HS6ST3: variants seen among roughly 807,000 people sequenced by gnomAD.
HS6ST3 encodes heparan sulfate 6-O-sulfotransferase 3, also known as heparan-sulfate 6-O-sulfotransferase 3.
In HS6ST3, 12 loss-of-function variants were observed where a neutral mutation model predicts 36.7. That is an observed-to-expected ratio of 0.33 (90% CI 0.21 to 0.53). HS6ST3 has a LOEUF of 0.53. Ranked by LOEUF, HS6ST3 falls within the 20% of genes least tolerant of loss-of-function variation. The pLI is 0.95. For synonymous variants in HS6ST3, 240 were observed against 257.5 expected, an observed-to-expected ratio of 0.93 and a Z score of 0.65; for missense variants, 584 against 640.9, an observed-to-expected ratio of 0.91 and a Z score of 0.96.
chr13:96,204,870 A>C (rs1236755220), intron 1 of HS6ST3, among the ~76,000 whole-genome samples: 1 of 152,186 alleles, frequency 6.6e-6, no homozygotes, highest in African/African-American at 2.4e-5. Context: ...TATAGCATTG[A>C]ATGCCCACAT....
intron 1 of HS6ST3, among the ~76,000 whole-genome samples, chr13:96,577,852 A>G (rs2056327580): frequency 6.6e-6 from 1 of 152,218 alleles, no homozygotes; most frequent in South Asian, 2.1e-4. Context: ...CAGATGCTGG[A>G]GAGGATGTGG....
At chr13:96,795,093 C>A (rs1877877316) in intron 1 of HS6ST3, among the ~76,000 whole-genome samples, 1 of 151,964 alleles carries the variant, frequency 6.6e-6, no homozygotes, top group Non-Finnish European at 1.5e-5. Flanking sequence ...AGCTCACTGC[C>A]TAAAAAATTT....
chr13:96,408,398 G>A (rs1317978574), intron 1 of HS6ST3, among the ~76,000 whole-genome samples: 1 of 152,128 alleles, frequency 6.6e-6, no homozygotes, highest in Non-Finnish European at 1.5e-5. Flanking sequence ...GGAGCACATT[G>A]CACAGATATG....
chr13:96,600,740 T>C (rs2056418425), intron 1 of HS6ST3, among the ~76,000 whole-genome samples: 1 of 152,072 alleles, frequency 6.6e-6, no homozygotes, highest in African/African-American at 2.4e-5. Flanking sequence ...GTTTTTTTCA[T>C]TGTGTTACTG....
intron 1 of HS6ST3, among the ~76,000 whole-genome samples, chr13:96,465,808 T>C (rs772212787): frequency 2.0e-5 from 3 of 152,110 alleles, no homozygotes; most frequent in Non-Finnish European, 2.9e-5. Context: ...AATTTAAAAA[T>C]GAAGCAATAA....
At chr13:96,237,756 C>T (rs534713072) in intron 1 of HS6ST3, among the ~76,000 whole-genome samples, 1 of 152,260 alleles carries the variant, frequency 6.6e-6, no homozygotes, top group South Asian at 2.1e-4. Flanking sequence ...ACATCTTTGT[C>T]CTTATTGGTC....
chr13:96,472,102 A>G (rs1018115968), intron 1 of HS6ST3, among the ~76,000 whole-genome samples: 1 of 152,236 alleles, frequency 6.6e-6, no homozygotes, highest in African/African-American at 2.4e-5. Flanking sequence ...GGCCAGGGAC[A>G]GGGCCAAGCT....
At position 96,768,379 on chromosome 13, in the gene HS6ST3, C is replaced by A. The variant is rs183910408; in HGVS notation, c.708-64111C>A. Among the ~76,000 whole-genome samples the A allele has an allele frequency of 2.3e-3, 354 of 152,316 alleles. 2 individuals carry two copies. The highest frequency in any genetic ancestry group is 7.7e-3 in the African/African-American group (320 of 41,560). On this transcript the variant is annotated intron_variant, in intron 1 of 1. Coordinates refer to ENST00000376705, the MANE Select transcript of HS6ST3 (RefSeq NM_153456.4). ...GTAATTGCCGACAGTGATTTGGGGC[C>A]TGCATTTTGCAGGCAGTACATTTAA...
At position 96,833,032 on chromosome 13, in the gene HS6ST3, A is replaced by T. The variant is rs758970533; in HGVS notation, c.1250A>T (p.Gln417Leu). 10 of 1,613,860 alleles carry T rather than the reference A, an allele frequency of 6.2e-6. No individual in the cohort carries two copies. In the East Asian group the frequency reaches 2.2e-4, roughly 36 times the overall value. Residue 417 changes from glutamine (Q) to leucine (L), a missense_variant, in exon 2 of 2, where the codon CAG becomes CTG. Around this residue, in one of 3 missense-constraint regions of HS6ST3, gnomAD observed 360 missense variants for 411.3 expected, o/e 0.88. Coordinates refer to ENST00000376705, the MANE Select transcript of HS6ST3 (RefSeq NM_153456.4). ...GAGTATGCAAAAGATCTCTTCCAGC[A>T]GCGCTACCACCACACCAAGCAGCTA... Reference protein sequence around the residue: ...LYEYAKDLFQQRYHHTKQLEH... With the variant: ...LYEYAKDLFQLRYHHTKQLEH...
At chr13:96,219,088 G>A (rs1006625748) in intron 1 of HS6ST3, among the ~76,000 whole-genome samples, 19 of 152,032 alleles carry the variant, frequency 1.2e-4, no homozygotes, top group South Asian at 4.2e-4. Flanking sequence ...ATTGCTAGTC[G>A]GCCTAAATTA....
intron 1 of HS6ST3, among the ~76,000 whole-genome samples, chr13:96,811,601 G>T (rs1029764496): frequency 1.4e-5 from 2 of 147,226 alleles, no homozygotes; most frequent in Non-Finnish European, 3.0e-5. Context: ...CAACATAGTA[G>T]TATTTAAGTT....
intron 1 of HS6ST3, among the ~76,000 whole-genome samples, chr13:96,340,563 C>G (rs531357098): frequency 1.9e-4 from 29 of 152,312 alleles, no homozygotes; most frequent in Non-Finnish European, 2.9e-4. Flanking sequence ...GGTGATCACA[C>G]TATAGACACA....
chr13:96,623,475 G>A (rs867724225), intron 1 of HS6ST3, among the ~76,000 whole-genome samples: 6 of 151,840 alleles, frequency 4.0e-5, no homozygotes, highest in Non-Finnish European at 8.8e-5. Context: ...TGTCTCTCTC[G>A]GTGTCACAGA....
intron 1 of HS6ST3, among the ~76,000 whole-genome samples, chr13:96,597,851 C>A (rs941689871): frequency 1.3e-5 from 2 of 151,944 alleles, no homozygotes; most frequent in Non-Finnish European, 2.9e-5. Flanking sequence ...ATTTTTGTAT[C>A]TGGTGACAAA....
chr13:96,527,469 C>A (rs1221901090), intron 1 of HS6ST3, among the ~76,000 whole-genome samples: 1 of 152,064 alleles, frequency 6.6e-6, no homozygotes, highest in Non-Finnish European at 1.5e-5. Context: ...GCAGACAATT[C>A]ACAAATAAGC....
chr13:96,561,646 GTC>G (rs1162368755), intron 1 of HS6ST3, among the ~76,000 whole-genome samples: 1 of 151,996 alleles, frequency 6.6e-6, no homozygotes, highest in East Asian at 1.9e-4. Context: ...ATCTGTCAAA[GTC>G]TAATATTCAA....
At chr13:96,191,305 A>G (rs1242855845) in intron 1 of HS6ST3, among the ~76,000 whole-genome samples, 1 of 152,148 alleles carries the variant, frequency 6.6e-6, no homozygotes, top group Non-Finnish European at 1.5e-5. Context: ...CAGCGTAAAG[A>G]CATTCAGTGC....
chr13:96,447,928 C>T (rs1019526049), intron 1 of HS6ST3, among the ~76,000 whole-genome samples: 1 of 152,114 alleles, frequency 6.6e-6, no homozygotes, highest in African/African-American at 2.4e-5. Context: ...GTGTCTGTGT[C>T]GTTTTATCAA....
intron 1 of HS6ST3, among the ~76,000 whole-genome samples, chr13:96,363,624 A>G (rs888554270): frequency 7.9e-5 from 12 of 152,164 alleles, no homozygotes; most frequent in Admixed American, 6.6e-4. Context: ...GTGTGGTTAC[A>G]TTTATTCAAT....
Sources: gnomAD v4.1 joint callset for allele counts (sites outside exome capture counted in the v4.1 genomes callset) on GRCh38, gnomAD v4.1.1 for gene constraint, gnomAD v4.1.1 regional missense constraint, MANE v1.5 for transcripts, NCBI Gene and HGNC (gene_info 2026-07-23, HGNC 2026-07-21) for gene names.